The following GARIN5B variants were observed in gnomAD, a reference collection of about 807,000 sequenced individuals.
The protein encoded by GARIN5B is Golgi-associated RAB2 interactor protein 5B.
the GARIN5B span, chr19:55,360,688 C>T: frequency 6.4e-6 from 10 of 1,551,206 alleles, no homozygotes; most frequent in Non-Finnish European, 8.7e-6. Context: ...GGGTATAAGG[C>T]TGGCCTTTGG....
At chr19:55,357,061 G>C in the GARIN5B span, among the ~76,000 whole-genome samples, 21 of 152,244 alleles carry the variant, frequency 1.4e-4, no homozygotes, top group East Asian at 3.9e-3. Context: ...CGTCAGAAAA[G>C]AGAAGAGGAA....
At chr19:55,356,403 C>T in the GARIN5B span, among the ~76,000 whole-genome samples, 2 of 151,604 alleles carry the variant, frequency 1.3e-5, no homozygotes, top group Admixed American at 6.6e-5. Flanking sequence ...GACGGAGTCT[C>T]GCTCTGTTGC....
At chr19:55,357,879 C>A in the GARIN5B span, among the ~76,000 whole-genome samples, 35 of 152,124 alleles carry the variant, frequency 2.3e-4, no homozygotes, top group East Asian at 4.2e-3. Flanking sequence ...CATGGTGAAA[C>A]CCCATCTCTA....
At chr19:55,361,517 G>C in the GARIN5B span, 1 of 1,372,184 alleles carries the variant, frequency 7.3e-7, no homozygotes, top group African/African-American at 1.5e-5. Flanking sequence ...GCCCCCTCCT[G>C]CTCCCAGGAC....
chr19:55,359,414 G>A, the GARIN5B span: 46 of 1,547,732 alleles, frequency 3.0e-5, no homozygotes, highest in Admixed American at 3.1e-4. Context: ...AGAAGCTGAC[G>A]CAGCTGAGGC....
chr19:55,355,550 A>G, the GARIN5B span, among the ~76,000 whole-genome samples: 1 of 152,110 alleles, frequency 6.6e-6, no homozygotes, highest in Non-Finnish European at 1.5e-5. Context: ...GGAATCAATG[A>G]GTCTTGGCTC....
chr19:55,362,759 G>A, the GARIN5B span: 72 of 1,514,448 alleles, frequency 4.8e-5, no homozygotes, highest in South Asian at 6.2e-4. Context: ...GAGGGGGCTG[G>A]GACCACTCCT....
the GARIN5B span, chr19:55,361,328 A>G: frequency 1.9e-6 from 3 of 1,539,352 alleles, no homozygotes; most frequent in Non-Finnish European, 2.6e-6. Context: ...CCACCAAGGA[A>G]GGGGGAAGAG....
the GARIN5B span, among the ~76,000 whole-genome samples, chr19:55,356,746 C>T: frequency 6.6e-6 from 1 of 152,102 alleles, no homozygotes; most frequent in African/African-American, 2.4e-5. Flanking sequence ...ATTTGTATCA[C>T]CCACAAAGAA....
At chr19:55,360,812 A>G in the GARIN5B span, 4 of 1,551,072 alleles carry the variant, frequency 2.6e-6, no homozygotes, top group Non-Finnish European at 3.5e-6. Context: ...CAGGAACCAG[A>G]GCCACACACT....
At chr19:55,360,584 C>A in the GARIN5B span, 2 of 1,318,662 alleles carry the variant, frequency 1.5e-6, no homozygotes, top group Non-Finnish European at 2.0e-6. Context: ...TCCCTCAGAC[C>A]CAGGAGTCCA....
At chr19:55,361,101 C>G in the GARIN5B span, 4 of 1,551,282 alleles carry the variant, frequency 2.6e-6, no homozygotes, top group Non-Finnish European at 3.5e-6. Flanking sequence ...TGCGCTTGAG[C>G]GCCTGGAGTG....
chr19:55,360,789 G>C, the GARIN5B span: 2 of 1,551,648 alleles, frequency 1.3e-6, no homozygotes, highest in Non-Finnish European at 1.7e-6. Context: ...GGAGCCGTCT[G>C]AGCCCTTTGG....
the GARIN5B span, chr19:55,359,722 C>T: frequency 1.3e-6 from 2 of 1,551,456 alleles, no homozygotes; most frequent in East Asian, 2.4e-5. Flanking sequence ...CGGCCTTTTC[C>T]CTGCCCCTGG....
At chr19:55,357,285 A>G in the GARIN5B span, among the ~76,000 whole-genome samples, 1 of 152,042 alleles carries the variant, frequency 6.6e-6, no homozygotes, top group South Asian at 2.1e-4. Context: ...CTCTTCACAC[A>G]TAAATCCGTC....
At chr19:55,362,309 G>A in the GARIN5B span, 2 of 1,550,158 alleles carry the variant, frequency 1.3e-6, no homozygotes, top group East Asian at 2.4e-5. Flanking sequence ...CGTGCGCGTG[G>A]TCCTGGGGGT....
the GARIN5B span, among the ~76,000 whole-genome samples, chr19:55,356,433 C>T: frequency 2.6e-5 from 4 of 151,714 alleles, no homozygotes; most frequent in Admixed American, 6.6e-5. Flanking sequence ...AGTGCAGTGG[C>T]ACGATCTCAG....
the GARIN5B span, chr19:55,358,322 T>A: frequency 3.9e-6 from 6 of 1,538,246 alleles, no homozygotes; most frequent in Admixed American, 2.1e-5. Flanking sequence ...CCTCTTGGGC[T>A]GCTGGGACGC....
chr19:55,360,340 A>T, the GARIN5B span, among the ~76,000 whole-genome samples: 1 of 7,348 alleles, frequency 1.4e-4, no homozygotes, highest in Non-Finnish European at 2.8e-4. Flanking sequence ...AGGAGTCCAG[A>T]CCCCCAGCCC....
Sources: gnomAD v4.1 joint callset for allele counts (sites outside exome capture counted in the v4.1 genomes callset) on GRCh38, gnomAD v4.1.1 for gene constraint, MANE v1.5 for transcripts, NCBI Gene and HGNC (gene_info 2026-07-23, HGNC 2026-07-21) for gene names.